RFX3: variants seen among roughly 807,000 people sequenced by gnomAD.
The protein encoded by RFX3 is regulatory factor X3.
In RFX3, 14 loss-of-function variants were observed where a neutral mutation model predicts 98.6. The observed-to-expected ratio is 0.14, with a 90% CI of 0.09 to 0.22. RFX3 has a LOEUF of 0.22. RFX3 is among the 10% of genes least tolerant of loss of function. The pLI, the probability that RFX3 is intolerant of heterozygous loss-of-function variation, is 1.00. For missense variants in RFX3, 639 were observed against 926.9 expected (o/e 0.69, Z 4.03); for synonymous variants, 383 against 328.4 (o/e 1.17, Z -1.80).
chr9:3,304,796 C>A (rs1172213420), intron 4 of RFX3, among the ~76,000 whole-genome samples: 1 of 151,972 alleles, frequency 6.6e-6, no homozygotes, highest in Non-Finnish European at 1.5e-5. Flanking sequence ...TTATAAATTA[C>A]CCAGTCTCAG....
At chr9:3,336,830 A>T (rs898781018) in intron 3 of RFX3, among the ~76,000 whole-genome samples, 7 of 152,178 alleles carry the variant, frequency 4.6e-5, no homozygotes, top group African/African-American at 1.4e-4. Flanking sequence ...ACTAGAAAAC[A>T]TCAGTGCTTA....
chr9:3,523,213 T>C (rs1421259242), intron 1 of RFX3, among the ~76,000 whole-genome samples: 4 of 152,212 alleles, frequency 2.6e-5, no homozygotes, highest in African/African-American at 4.8e-5. Flanking sequence ...TTCTATTTAA[T>C]AGTTTTAGTT....
At position 3,222,004 on chromosome 9, in the gene RFX3, T is replaced by C. The variant is rs1047692320; in HGVS notation, c.*3038A>G. On this transcript the variant is annotated 3_prime_UTR_variant, in exon 17 of 17. Transcript: ENST00000617270. Reference sequence around the variant, plus strand: ...ATCTGTTGAGTGTTAGTGTCTAATATTATTTAGAAAACCCACACTTTCAAT... The same window carrying C: ...ATCTGTTGAGTGTTAGTGTCTAATACTATTTAGAAAACCCACACTTTCAAT... The C allele has an allele frequency of 1.3e-5, 2 of 152,244 alleles. No individual in the cohort carries two copies. Among genetic ancestry groups the C allele is most frequent in the East Asian group, 3.9e-4 (2 of 5,188 alleles). 9.4% of individuals were successfully genotyped at this position (152,244 alleles called of 1,614,324 possible).
chr9:3,403,307 A>G (rs1325516157), intron 1 of RFX3, among the ~76,000 whole-genome samples: 1 of 152,164 alleles, frequency 6.6e-6, no homozygotes, highest in Non-Finnish European at 1.5e-5. Flanking sequence ...TAAATCAAGT[A>G]AATGAGGAAT....
chr9:3,466,153 T>C lies in RFX3; in HGVS notation c.-9+59594A>G, dbSNP rs562033518. Among the ~76,000 whole-genome samples the C allele has an allele frequency of 1.1e-4, 16 of 152,306 alleles. 1 individual carries two copies. Among genetic ancestry groups the C allele is most frequent in the Non-Finnish European group, 1.6e-4 (11 of 68,020 alleles). ...GTCTTTTTACTCTGTAGCAGGAAAATAGAGTTCTAAAGAACTCATGGCAAT... is the reference window on the plus strand; with the variant it reads ...GTCTTTTTACTCTGTAGCAGGAAAACAGAGTTCTAAAGAACTCATGGCAAT... On this transcript the variant is annotated intron_variant, in intron 1 of 16. Transcript: ENST00000617270.
At chr9:3,278,449 T>TC (rs1291165645) in intron 7 of RFX3, among the ~76,000 whole-genome samples, 1 of 151,860 alleles carries the variant, frequency 6.6e-6, no homozygotes, top group African/African-American at 2.4e-5. Flanking sequence ...TTCTTTTTTT[T>TC]CCCTATTTCT....
rs531536346 is a variant in RFX3, at chr9:3,330,025, T to C, written c.474+234A>G. Among the ~76,000 whole-genome samples the C allele has an allele frequency of 1.7e-4, 26 of 152,326 alleles. No individual in the cohort carries two copies. The South Asian group carries it at 2.3e-3, about 13-fold the overall frequency. ...AGCAGTTTAATGAGTAAAACTCACCTTTCTAATTGCCAGTAAAATTAAAAA... is the reference window on the plus strand; with the variant it reads ...AGCAGTTTAATGAGTAAAACTCACCCTTCTAATTGCCAGTAAAATTAAAAA... On this transcript the variant is annotated intron_variant, in intron 4 of 16. Coordinates refer to ENST00000617270, the MANE Select transcript of RFX3 (RefSeq NM_001282116.2).
chr9:3,241,224 GTT>G (rs34401123), intron 15 of RFX3, among the ~76,000 whole-genome samples: 102 of 132,604 alleles, frequency 7.7e-4, no homozygotes, highest in East Asian at 2.6e-3. Flanking sequence ...GGAGTTTTTT[GTT>G]TTTTTTTTTT....
At chr9:3,299,250 T>C (rs2920373) in intron 5 of RFX3, among the ~76,000 whole-genome samples, 7,919 of 151,784 alleles carry the variant, frequency 0.052, 594 homozygotes, top group African/African-American at 0.16. Flanking sequence ...TAGCAAATAG[T>C]TATCAACCAG....
intron 2 of RFX3, among the ~76,000 whole-genome samples, chr9:3,355,942 T>A (rs1835697419): frequency 1.3e-5 from 2 of 151,900 alleles, no homozygotes; most frequent in African/African-American, 4.8e-5. Flanking sequence ...AATCTATGGT[T>A]TATATCATGA....
At chr9:3,421,083 G>A (rs745883633) in intron 1 of RFX3, among the ~76,000 whole-genome samples, 1 of 151,136 alleles carries the variant, frequency 6.6e-6, no homozygotes, top group African/African-American at 2.4e-5. Flanking sequence ...AGGCTCTGGA[G>A]TGACTTGTCC....
At chr9:3,491,134 G>C (rs1850687359) in intron 1 of RFX3, among the ~76,000 whole-genome samples, 1 of 151,990 alleles carries the variant, frequency 6.6e-6, no homozygotes, top group African/African-American at 2.4e-5. Flanking sequence ...TGCTCCATTA[G>C]ACATAGAAAA....
chr9:3,288,508 G>A (rs1272561136), intron 6 of RFX3, among the ~76,000 whole-genome samples: 1 of 151,960 alleles, frequency 6.6e-6, no homozygotes, highest in Non-Finnish European at 1.5e-5. Context: ...TTAAATATTA[G>A]TCAAACAGTC....
chr9:3,294,256 T>C (rs1159662744), intron 5 of RFX3, among the ~76,000 whole-genome samples: 1 of 152,130 alleles, frequency 6.6e-6, no homozygotes, highest in Non-Finnish European at 1.5e-5. Context: ...TCCTGATTAC[T>C]CCAGACCAAT....
intron 1 of RFX3, among the ~76,000 whole-genome samples, chr9:3,507,543 T>G (rs1221839701): frequency 1.3e-5 from 2 of 151,928 alleles, no homozygotes; most frequent in Admixed American, 6.6e-5. Context: ...CACCCAGGGC[T>G]GTTCATTTTG....
At chr9:3,324,171 G>A (rs1362055567) in intron 4 of RFX3, 1 of 255,376 alleles carries the variant, frequency 3.9e-6, no homozygotes, top group Non-Finnish European at 9.2e-6. Flanking sequence ...CAAAATAAGT[G>A]GACAGAGTCT....
Position 3,366,698 on chromosome 9 carries a change from CTTTCTTT to C in RFX3, c.118-19941_118-19935del, listed in dbSNP as rs1485106801. On this transcript the variant is annotated intron_variant, in intron 2 of 16. Coordinates refer to ENST00000617270, the MANE Select transcript of RFX3 (RefSeq NM_001282116.2). ...TCTTTCTTTCTTCTTTCTTTCCTTT[CTTTCTTT>C]CTTTCTTTCTTTCTTTCTTTCTTTC... Among the ~76,000 whole-genome samples, 104 of 61,804 alleles carry C rather than the reference CTTTCTTT, an allele frequency of 1.7e-3. 3 individuals are homozygous for C. Among genetic ancestry groups the C allele is most frequent in the African/African-American group, 6.5e-3 (100 of 15,490 alleles). The allele number at this position is 61,804 out of a possible 152,430, so 40.5% of individuals were successfully genotyped here. A position where few individuals can be genotyped will look rare whatever the true frequency, so the allele number is the denominator to read the frequency against.
intron 16 of RFX3, among the ~76,000 whole-genome samples, chr9:3,228,412 C>T (rs1818050082): frequency 6.6e-6 from 1 of 152,118 alleles, no homozygotes; most frequent in African/African-American, 2.4e-5. Flanking sequence ...TTACAGTAAA[C>T]CTCACTGCTA....
chr9:3,372,558 T>G (rs1216283739), intron 2 of RFX3, among the ~76,000 whole-genome samples: 1 of 150,536 alleles, frequency 6.6e-6, no homozygotes, highest in African/African-American at 2.4e-5. Context: ...TTCTTTTTTT[T>G]TTTTTTTGAG....
Sources: allele counts gnomAD v4.1 joint callset (sites outside exome capture counted in the v4.1 genomes callset), GRCh38; gene constraint gnomAD v4.1.1; transcripts MANE v1.5; gene names NCBI Gene and HGNC (gene_info 2026-07-23, HGNC 2026-07-21).